The following KSR2 variants were observed in gnomAD, a reference collection of about 807,000 sequenced individuals.
KSR2 encodes the protein kinase suppressor of ras 2.
In KSR2, 25 loss-of-function variants were observed where a neutral mutation model predicts 107.8. The ratio of observed to expected loss-of-function variants is 0.23; its 90% confidence interval spans 0.17 to 0.32. The LOEUF (loss-of-function observed/expected upper bound fraction) is 0.32, where lower values mean the gene tolerates loss of function less well. Among genes scored for constraint, KSR2 ranks in the 10% least tolerant of loss-of-function variants. The pLI is 1.00. For missense variants in KSR2, 887 were observed against 1,268.9 expected (o/e 0.70, Z 4.57); for synonymous variants, 480 against 507.0 (o/e 0.95, Z 0.71).
chr12:117,902,042 A>G (rs774912396), intron 1 of KSR2, among the ~76,000 whole-genome samples: 1 of 152,230 alleles, frequency 6.6e-6, no homozygotes, highest in Non-Finnish European at 1.5e-5. Flanking sequence ...GTCACCAGTC[A>G]AGGACTTCCA....
At chr12:117,764,905 G>C (rs1168142405) in intron 3 of KSR2, among the ~76,000 whole-genome samples, 5 of 152,228 alleles carry the variant, frequency 3.3e-5, no homozygotes, top group African/African-American at 1.2e-4. Context: ...ATGAGGATCA[G>C]ATGCACAAAT....
At chr12:117,885,246 C>T (rs925995722) in intron 1 of KSR2, among the ~76,000 whole-genome samples, 1 of 152,196 alleles carries the variant, frequency 6.6e-6, no homozygotes, top group South Asian at 2.1e-4. Flanking sequence ...GGGGTCACTA[C>T]TGCCCCTATT....
intron 1 of KSR2, among the ~76,000 whole-genome samples, chr12:117,933,458 C>T (rs949250440): frequency 2.6e-5 from 4 of 151,878 alleles, no homozygotes; most frequent in Admixed American, 6.6e-5. Flanking sequence ...GGTGTGGTGG[C>T]GGGCGCCTGT....
chr12:117,608,246 G>A (rs1199886275), intron 5 of KSR2, among the ~76,000 whole-genome samples: 1 of 152,148 alleles, frequency 6.6e-6, no homozygotes, highest in South Asian at 2.1e-4. Flanking sequence ...CCTAGCCCAC[G>A]GGTTCCTTGA....
Position 117,476,533 on chromosome 12 carries a change from C to T in KSR2, c.2513G>A (p.Arg838His), listed in dbSNP as rs376679729. ...CTCCTCTGTGTCGGGGGACAGCTGG[C>T]GGATGATCTCTGGTGCCAGGTGGCA... is the stretch of plus-strand genomic sequence containing the variant. ...WLCHLAPEII[R>H]QLSPDTEEDK... The change falls in exon 17 of 20, where the codon CGC (arginine) becomes CAC (histidine). Residue 838 changes from arginine (R) to histidine (H), a missense_variant. Around this residue, in one of 8 missense-constraint regions of KSR2, gnomAD observed 308 missense variants for 506.2 expected, o/e 0.61. Coordinates refer to ENST00000339824, the MANE Select transcript of KSR2 (RefSeq NM_173598.6). 14 of 1,609,968 alleles carry T rather than the reference C, an allele frequency of 8.7e-6. No homozygotes were observed. The highest frequency in any genetic ancestry group is 3.4e-5 in the Admixed American group (2 of 59,544).
At chr12:117,470,677 T>A (rs540273554) in intron 18 of KSR2, among the ~76,000 whole-genome samples, 7 of 152,324 alleles carry the variant, frequency 4.6e-5, no homozygotes, top group African/African-American at 1.7e-4. Context: ...TTTAGAAACA[T>A]ACCACATCAT....
At position 117,868,521 on chromosome 12, in the gene KSR2, C is replaced by T. The variant is rs557603386; in HGVS notation, c.181-8090G>A. ...AGGCCCATGCTGAAGGTCACACATG[C>T]ATTATTTCAATATATCCTTACATTC... On this transcript the variant is annotated intron_variant, in intron 1 of 19. Coordinates refer to ENST00000339824, the MANE Select transcript of KSR2 (RefSeq NM_173598.6). 1.1e-4 allele frequency among the ~76,000 whole-genome samples: 17 copies of T among 152,158 alleles called. No individual in the cohort carries two copies. The South Asian group carries it at 1.5e-3, about 13-fold the overall frequency.
intron 1 of KSR2, 138 bp downstream of exon 1, chr12:117,967,938 T>C: frequency 1.4e-6 from 1 of 730,968 alleles, no homozygotes; most frequent in Non-Finnish European, 2.3e-6. Context: ...CGTGCCCACC[T>C]TGCTTGCCCA....
At chr12:117,585,750 A>G (rs1282655389) in intron 5 of KSR2, among the ~76,000 whole-genome samples, 2 of 152,230 alleles carry the variant, frequency 1.3e-5, no homozygotes, top group Non-Finnish European at 2.9e-5. Flanking sequence ...CAAAGCACCT[A>G]TTAAGATGTC....
intron 7 of KSR2, among the ~76,000 whole-genome samples, chr12:117,577,252 A>T (rs1430440216): frequency 6.6e-6 from 1 of 152,226 alleles, no homozygotes; most frequent in African/African-American, 2.4e-5. Flanking sequence ...TGACTTCTAT[A>T]AAGCAAACAG....
At chr12:117,724,657 C>A (rs962821629) in intron 4 of KSR2, among the ~76,000 whole-genome samples, 6 of 151,870 alleles carry the variant, frequency 4.0e-5, no homozygotes, top group Non-Finnish European at 8.8e-5. Context: ...GGGGTCTGTG[C>A]AATCCCAGAC....
intron 14 of KSR2, among the ~76,000 whole-genome samples, chr12:117,518,588 T>G (rs1874538970): frequency 6.6e-6 from 1 of 152,228 alleles, no homozygotes; most frequent in Admixed American, 6.5e-5. Context: ...GGAGGTAGGA[T>G]CTTGGCCATC....
chr12:117,701,044 T>C (rs963720224), intron 4 of KSR2, among the ~76,000 whole-genome samples: 2 of 152,206 alleles, frequency 1.3e-5, no homozygotes, highest in Non-Finnish European at 1.5e-5. Context: ...TGACTGCTCA[T>C]CCATCCTCCA....
chr12:117,654,899 T>C (rs1260030046), intron 5 of KSR2, among the ~76,000 whole-genome samples: 4 of 152,166 alleles, frequency 2.6e-5, no homozygotes, highest in Non-Finnish European at 5.9e-5. Context: ...AATGTGCCCA[T>C]GAACAAAGTG....
In KSR2 at chr12:117,820,441, G is replaced by A. The variant is rs539694916; in HGVS notation, c.472+34987C>T. Among the ~76,000 whole-genome samples, 13 of 152,260 alleles carry A rather than the reference G, an allele frequency of 8.5e-5. No homozygotes were observed. In the East Asian group the frequency reaches 1.4e-3, roughly 16 times the overall value. The stretch of plus-strand genomic sequence containing the variant: ...GAAATTCAGCCCAGGACAGACCTGC[G>A]GATCGTTTTCAGAGCTCACTGGAAT... On this transcript the variant is annotated intron_variant, in intron 3 of 19. Transcript: ENST00000339824.
At chr12:117,568,901 T>C (rs552356433) in intron 7 of KSR2, among the ~76,000 whole-genome samples, 3 of 152,214 alleles carry the variant, frequency 2.0e-5, no homozygotes, top group Admixed American at 1.3e-4. Context: ...TTTCTATTAA[T>C]AGAAAAGTAA....
intron 14 of KSR2, among the ~76,000 whole-genome samples, chr12:117,507,203 C>T (rs1873750680): frequency 6.6e-6 from 1 of 152,230 alleles, no homozygotes; most frequent in African/African-American, 2.4e-5. Flanking sequence ...CCGTTCTATA[C>T]AGCAGGAAGC....
chr12:117,565,248 T>C (rs537758514), intron 7 of KSR2, among the ~76,000 whole-genome samples: 69 of 152,304 alleles, frequency 4.5e-4, no homozygotes, highest in African/African-American at 1.5e-3. Context: ...GGATGAAAAT[T>C]TGCTCCGATC....
chr12:117,796,775 T>C (rs1259109788), intron 3 of KSR2, among the ~76,000 whole-genome samples: 1 of 152,168 alleles, frequency 6.6e-6, no homozygotes, highest in African/African-American at 2.4e-5. Context: ...AGAGACACTA[T>C]GGCTCAATTA....
Sources: allele counts gnomAD v4.1 joint callset (sites outside exome capture counted in the v4.1 genomes callset), GRCh38; gene constraint gnomAD v4.1.1; regional missense constraint gnomAD v4.1.1; transcripts MANE v1.5; gene names NCBI Gene and HGNC (gene_info 2026-07-23, HGNC 2026-07-21).